Variants in AGMO observed in about 807,000 individuals in gnomAD.
The protein encoded by AGMO is glyceryl-ether monooxygenase.
In AGMO, 75 loss-of-function variants were observed where a neutral mutation model predicts 60.2. The observed-to-expected ratio is 1.25, with a 90% CI of 1.03 to 1.51. AGMO has a LOEUF of 1.51. Ranked by LOEUF, AGMO falls within the 40% of genes most tolerant of loss-of-function variation. The probability of loss-of-function intolerance (pLI) is 0.00; values close to 1 mark genes in which losing one functional copy is unlikely to be tolerated. For missense variants in AGMO, 763 were observed against 525.5 expected (o/e 1.45, Z -4.42); for synonymous variants, 261 against 177.1 (o/e 1.47, Z -3.76).
rs148290883 is a variant in AGMO, at chr7:15,448,527, G to A, written c.410-17419C>T. Among the ~76,000 whole-genome samples, 66 of 151,904 alleles carry A rather than the reference G, an allele frequency of 4.3e-4. No individual in the cohort carries two copies. In the East Asian group the frequency reaches 7.9e-3, roughly 18 times the overall value. On this transcript the variant is annotated intron_variant, in intron 3 of 12. Coordinates refer to ENST00000342526, the MANE Select transcript of AGMO (RefSeq NM_001004320.2). The stretch of plus-strand genomic sequence containing the variant: ...AGTGCAAAGGGACTAAGATATGAAT[G>A]TTAGTTCAATTTCAAGTAAAAGCTT...
At chr7:15,286,623 T>C (rs923403108) in intron 12 of AGMO, among the ~76,000 whole-genome samples, 1 of 152,112 alleles carries the variant, frequency 6.6e-6, no homozygotes, top group Non-Finnish European at 1.5e-5. Context: ...ACACTGCTGG[T>C]GGGAATGTAA....
intron 12 of AGMO, among the ~76,000 whole-genome samples, chr7:15,307,177 A>T (rs1405461376): frequency 2.0e-5 from 3 of 152,006 alleles, no homozygotes; most frequent in Non-Finnish European, 2.9e-5. Context: ...AGTTGTTAAC[A>T]GTCTTGTGAG....
At chr7:15,250,512 G>C (rs1210938004) in intron 12 of AGMO, among the ~76,000 whole-genome samples, 1 of 151,078 alleles carries the variant, frequency 6.6e-6, no homozygotes, top group Non-Finnish European at 1.5e-5. Flanking sequence ...AGTCTCAGAA[G>C]GAATTGAGCC....
the AGMO span, among the ~76,000 whole-genome samples, chr7:15,185,527 A>T: frequency 6.6e-6 from 1 of 152,334 alleles, no homozygotes; most frequent in East Asian, 1.9e-4. Flanking sequence ...CTATGGCCCT[A>T]GGATAAGTGG....
chr7:15,535,465 A>G (rs971580853), intron 3 of AGMO, among the ~76,000 whole-genome samples: 3 of 151,934 alleles, frequency 2.0e-5, no homozygotes, highest in African/African-American at 4.8e-5. Context: ...GTCAAACTCA[A>G]CAAAAATTAT....
chr7:15,122,817 T>C, the AGMO span, among the ~76,000 whole-genome samples: 2 of 152,120 alleles, frequency 1.3e-5, no homozygotes, highest in East Asian at 3.9e-4. Flanking sequence ...CTTATTTGTT[T>C]TCCTCACTTC....
At chr7:15,144,159 G>T in the AGMO span, among the ~76,000 whole-genome samples, 12 of 152,212 alleles carry the variant, frequency 7.9e-5, no homozygotes, top group African/African-American at 2.9e-4. Context: ...GACCAGAAAG[G>T]CAATTAGATT....
At chr7:15,143,884 T>C in the AGMO span, among the ~76,000 whole-genome samples, 1 of 152,166 alleles carries the variant, frequency 6.6e-6, no homozygotes, top group Non-Finnish European at 1.5e-5. Flanking sequence ...TCAAATAGGA[T>C]AGATTGCTCA....
At chr7:15,118,502 A>G in the AGMO span, among the ~76,000 whole-genome samples, 2 of 152,126 alleles carry the variant, frequency 1.3e-5, no homozygotes, top group Admixed American at 1.3e-4. Flanking sequence ...TTGGTCTATC[A>G]CAGTTTCCCT....
At chr7:15,266,977 ATTCCT>A (rs1171639017) in intron 12 of AGMO, among the ~76,000 whole-genome samples, 1 of 151,946 alleles carries the variant, frequency 6.6e-6, no homozygotes, top group Non-Finnish European at 1.5e-5. Context: ...GTGATAATAA[ATTCCT>A]TTACTTTTGC....
intron 12 of AGMO, among the ~76,000 whole-genome samples, chr7:15,293,590 C>T (rs923025625): frequency 2.0e-5 from 3 of 151,958 alleles, no homozygotes; most frequent in African/African-American, 7.3e-5. Flanking sequence ...TTACAAAAAA[C>T]TGTTAACATC....
the AGMO span, among the ~76,000 whole-genome samples, chr7:15,132,048 G>C: frequency 7.2e-5 from 11 of 152,086 alleles, no homozygotes; most frequent in Admixed American, 6.6e-5. Flanking sequence ...ATGCATACAG[G>C]CCAGCCTTCT....
rs548094013 is a variant in AGMO at position 15,220,551 on chromosome 7, A to G, written c.1264-19192T>C. The stretch of plus-strand genomic sequence containing the variant: ...GCTTTAAGGCCTGGAAAAATATCAA[A>G]TATGAATTGTTCCTATTTAAAGTGC... On this transcript the variant is annotated intron_variant, in intron 12 of 12. Coordinates refer to ENST00000342526, the MANE Select transcript of AGMO (RefSeq NM_001004320.2). 2.0e-5 allele frequency among the ~76,000 whole-genome samples: 3 copies of G among 151,996 alleles called. No individual in the cohort carries two copies. The East Asian group carries it at 5.8e-4, about 29-fold the overall frequency.
At chr7:15,284,759 T>TATA (rs1784056349) in intron 12 of AGMO, among the ~76,000 whole-genome samples, 1 of 151,654 alleles carries the variant, frequency 6.6e-6, no homozygotes, top group East Asian at 1.9e-4. Flanking sequence ...TAGGAAAGTA[T>TATA]ATAACAACAA....
chr7:15,204,543 A>G (rs1315330277), intron 12 of AGMO, among the ~76,000 whole-genome samples: 1 of 152,186 alleles, frequency 6.6e-6, no homozygotes, highest in Non-Finnish European at 1.5e-5. Flanking sequence ...ATTGTATCCT[A>G]GTTCTAGGCA....
intron 12 of AGMO, among the ~76,000 whole-genome samples, chr7:15,259,900 A>G (rs1442857679): frequency 1.6e-5 from 1 of 62,520 alleles, no homozygotes; most frequent in Non-Finnish European, 3.5e-5. Context: ...CAAGAACTGC[A>G]AAAAAAAAAA....
chr7:15,426,093 T>G (rs1781054444), intron 4 of AGMO, among the ~76,000 whole-genome samples: 1 of 152,190 alleles, frequency 6.6e-6, no homozygotes, highest in Non-Finnish European at 1.5e-5. Context: ...ACTGTAATTT[T>G]TGGAGTGTCT....
At chr7:15,214,805 T>C (rs888640863) in intron 12 of AGMO, among the ~76,000 whole-genome samples, 2 of 152,058 alleles carry the variant, frequency 1.3e-5, no homozygotes, top group African/African-American at 4.8e-5. Flanking sequence ...ATCCTGATAA[T>C]AGCTTAAATG....
At chr7:15,168,556 G>A in the AGMO span, among the ~76,000 whole-genome samples, 1 of 152,198 alleles carries the variant, frequency 6.6e-6, no homozygotes, top group Admixed American at 6.5e-5. Context: ...CCACAGACCT[G>A]TGTATCATCC....
Sources: allele counts gnomAD v4.1 joint callset (sites outside exome capture counted in the v4.1 genomes callset), GRCh38; gene constraint gnomAD v4.1.1; transcripts MANE v1.5; gene names NCBI Gene and HGNC (gene_info 2026-07-23, HGNC 2026-07-21).